GRIK2: variants seen among roughly 807,000 people sequenced by gnomAD.
GRIK2 encodes glutamate ionotropic receptor kainate type subunit 2.
In GRIK2, 32 loss-of-function variants were observed where a neutral mutation model predicts 100.3. The observed-to-expected ratio is 0.32, with a 90% CI of 0.24 to 0.43. GRIK2 has a LOEUF of 0.43. Ranked by LOEUF, GRIK2 falls within the 20% of genes least tolerant of loss-of-function variation. The pLI, the probability that GRIK2 is intolerant of heterozygous loss-of-function variation, is 1.00. For synonymous variants in GRIK2, 417 were observed against 389.4 expected (o/e 1.07, Z -0.83); for missense variants, 843 against 1,114.9 (o/e 0.76, Z 3.47).
intron 15 of GRIK2, among the ~76,000 whole-genome samples, chr6:102,039,154 T>A (rs571049092): frequency 6.6e-6 from 1 of 151,488 alleles, no homozygotes; most frequent in Non-Finnish European, 1.5e-5. Context: ...CTGAGTGTGA[T>A]CATTACTGCC....
intron 14 of GRIK2, among the ~76,000 whole-genome samples, chr6:102,003,897 T>C (rs1795075336): frequency 6.6e-6 from 1 of 151,744 alleles, no homozygotes; most frequent in South Asian, 2.1e-4. Context: ...CTGAAAACTT[T>C]ATAAATCTGA....
intron 7 of GRIK2, among the ~76,000 whole-genome samples, chr6:101,762,247 T>G (rs1777767955): frequency 6.6e-6 from 1 of 151,880 alleles, no homozygotes; most frequent in Non-Finnish European, 1.5e-5. Context: ...CTATCATAAC[T>G]CATTGCAGCC....
chr6:101,900,643 C>A (rs1787786116), intron 12 of GRIK2, among the ~76,000 whole-genome samples: 1 of 151,590 alleles, frequency 6.6e-6, no homozygotes. Flanking sequence ...AAGACATTTC[C>A]AATTTATTTA....
At chr6:101,960,606 G>C (rs1295882627) in intron 14 of GRIK2, among the ~76,000 whole-genome samples, 1 of 152,054 alleles carries the variant, frequency 6.6e-6, no homozygotes, top group African/African-American at 2.4e-5. Flanking sequence ...GAGTTCCTTG[G>C]TTGTAGATAA....
At chr6:101,592,586 CACATATATAT>C (rs1441853051) in intron 2 of GRIK2, among the ~76,000 whole-genome samples, 4 of 53,390 alleles carry the variant, frequency 7.5e-5, no homozygotes, top group African/African-American at 2.5e-4. Flanking sequence ...TTACTAATAT[CACATATATAT>C]ATATATATAT....
chr6:101,987,324 A>G (rs1342810845), intron 14 of GRIK2, among the ~76,000 whole-genome samples: 2 of 151,866 alleles, frequency 1.3e-5, no homozygotes, highest in Admixed American at 6.6e-5. Flanking sequence ...ATAGCAAATA[A>G]ATTCTAATAG....
At chr6:101,680,112 G>T (rs1562305553) in intron 5 of GRIK2, among the ~76,000 whole-genome samples, 1 of 152,168 alleles carries the variant, frequency 6.6e-6, no homozygotes, top group South Asian at 2.1e-4. Flanking sequence ...CTGAGAGAAG[G>T]TCAATGAAAG....
At chr6:101,617,839 T>G (rs185704587) in intron 2 of GRIK2, among the ~76,000 whole-genome samples, 23 of 151,822 alleles carry the variant, frequency 1.5e-4, no homozygotes, top group East Asian at 5.8e-4. Flanking sequence ...TGTCTCTCCC[T>G]CTGTCACACA....
rs542892881 is a variant in GRIK2 at position 102,066,848 on chromosome 6, C to T, written c.2563-1499C>T. ...ATTGTGAACCTTTACAGAAGAGTGG[C>T]GTAGACGTAGAATTAGGAAGACCAT... On this transcript the variant is annotated intron_variant, in intron 16 of 16. Coordinates refer to ENST00000369134, the MANE Select transcript of GRIK2 (RefSeq NM_021956.5). Among the ~76,000 whole-genome samples the T allele has an allele frequency of 8.6e-5, 13 of 151,636 alleles. No individual in the cohort carries two copies. In the South Asian group the frequency reaches 1.5e-3, roughly 17 times the overall value.
intron 7 of GRIK2, among the ~76,000 whole-genome samples, chr6:101,709,590 T>G (rs1451379631): frequency 6.6e-6 from 1 of 151,820 alleles, no homozygotes; most frequent in Non-Finnish European, 1.5e-5. Context: ...CTGTTATCCT[T>G]TACTTTGTTT....
intron 10 of GRIK2, among the ~76,000 whole-genome samples, chr6:101,840,950 C>A (rs1582354793): frequency 6.6e-6 from 1 of 152,150 alleles, no homozygotes; most frequent in South Asian, 2.1e-4. Context: ...ATGAAGAATA[C>A]CTTATGCTAC....
At chr6:101,945,476 A>G (rs1582589574) in intron 14 of GRIK2, among the ~76,000 whole-genome samples, 1 of 152,160 alleles carries the variant, frequency 6.6e-6, no homozygotes, top group Non-Finnish European at 1.5e-5. Flanking sequence ...ACCCATGAGC[A>G]TGTACTTTTG....
At chr6:101,879,045 G>A (rs73496639) in intron 11 of GRIK2, among the ~76,000 whole-genome samples, 23 of 152,078 alleles carry the variant, frequency 1.5e-4, no homozygotes, top group South Asian at 1.4e-3. Flanking sequence ...CCACTACCAC[G>A]TGGTGTGCTT....
intron 2 of GRIK2, among the ~76,000 whole-genome samples, chr6:101,619,881 T>G (rs1384890846): frequency 6.6e-6 from 1 of 152,120 alleles, no homozygotes; most frequent in African/African-American, 2.4e-5. Flanking sequence ...ATTCTACTAG[T>G]GGCTCTATCA....
At chr6:101,600,960 T>A (rs1296028880) in intron 2 of GRIK2, among the ~76,000 whole-genome samples, 1 of 151,698 alleles carries the variant, frequency 6.6e-6, no homozygotes, top group Non-Finnish European at 1.5e-5. Context: ...CAGCCAGCAC[T>A]GTGTTGAATA....
intron 14 of GRIK2, among the ~76,000 whole-genome samples, chr6:101,997,612 C>A (rs2114252706): frequency 6.6e-6 from 1 of 152,196 alleles, no homozygotes; most frequent in African/African-American, 2.4e-5. Flanking sequence ...AGTCACCACA[C>A]AGTGTTAATT....
intron 10 of GRIK2, among the ~76,000 whole-genome samples, chr6:101,832,843 T>A (rs1782791479): frequency 6.6e-6 from 1 of 152,204 alleles, no homozygotes; most frequent in African/African-American, 2.4e-5. Flanking sequence ...AAGAACTGTC[T>A]AGATGTCCAT....
At chr6:101,885,493 A>G (rs536507418) in intron 11 of GRIK2, among the ~76,000 whole-genome samples, 119 of 152,220 alleles carry the variant, frequency 7.8e-4, no homozygotes, top group Non-Finnish European at 1.5e-3. Context: ...TTTGTTTTTC[A>G]TTTGTAAAAA....
chr6:101,408,734 A>G (rs1562116632), intron 2 of GRIK2, among the ~76,000 whole-genome samples: 1 of 152,042 alleles, frequency 6.6e-6, no homozygotes, highest in Non-Finnish European at 1.5e-5. Context: ...TCTTTGCTCC[A>G]TCTACTATTT....
Sources: allele counts gnomAD v4.1 joint callset (sites outside exome capture counted in the v4.1 genomes callset), GRCh38; gene constraint gnomAD v4.1.1; transcripts MANE v1.5; gene names NCBI Gene and HGNC (gene_info 2026-07-23, HGNC 2026-07-21).